The following NTN1 variants were observed in gnomAD, a reference collection of about 807,000 sequenced individuals.
NTN1 encodes netrin 1.
Under a neutral mutation model 54.2 loss-of-function variants are expected in NTN1, and 11 were observed. That is an observed-to-expected ratio of 0.20 (90% confidence interval 0.13 to 0.34). NTN1 has a LOEUF of 0.34. NTN1 is among the 10% of genes least tolerant of loss of function. The pLI, the probability that NTN1 is intolerant of heterozygous loss-of-function variation, is 1.00. For synonymous variants in NTN1, 371 were observed against 382.0 expected (o/e 0.97, Z 0.33); for missense variants, 740 against 893.1 (o/e 0.83, Z 2.18).
At chr17:9,105,216 G>T (rs1474284448) in intron 2 of NTN1, among the ~76,000 whole-genome samples, 1 of 152,210 alleles carries the variant, frequency 6.6e-6, no homozygotes, top group Non-Finnish European at 1.5e-5. Flanking sequence ...ACCTGGGCCG[G>T]ATTTCCAGGG....
At chr17:9,141,296 G>C (rs142080286) in intron 2 of NTN1, among the ~76,000 whole-genome samples, 76 of 152,098 alleles carry the variant, frequency 5.0e-4, no homozygotes, top group East Asian at 1.7e-3. Context: ...CTTTAATGAG[G>C]GGGGGGAGAA....
intron 3 of NTN1, chr17:9,171,178 G>A (rs1289893807): frequency 1.3e-5 from 2 of 152,198 alleles, no homozygotes; most frequent in Non-Finnish European, 2.9e-5. Flanking sequence ...AATGACGTTT[G>A]GGGATTATCT....
intron 2 of NTN1, among the ~76,000 whole-genome samples, chr17:9,054,708 G>C (rs547520356): frequency 3.0e-4 from 46 of 152,156 alleles, no homozygotes; most frequent in Non-Finnish European, 5.6e-4. Context: ...ATTACGCCAA[G>C]TGGCAGGGGA....
chr17:9,039,412 A>G (rs759548257), intron 2 of NTN1, among the ~76,000 whole-genome samples: 2 of 152,260 alleles, frequency 1.3e-5, no homozygotes, highest in Admixed American at 6.5e-5. Context: ...TAGGGCTTTT[A>G]GGATATCAGA....
chr17:9,152,517 G>A (rs889212867), intron 2 of NTN1, among the ~76,000 whole-genome samples: 2 of 152,124 alleles, frequency 1.3e-5, no homozygotes, highest in African/African-American at 2.4e-5. Flanking sequence ...CACCACCCCA[G>A]GGCCATGGCA....
intron 6 of NTN1, among the ~76,000 whole-genome samples, chr17:9,222,536 A>G (rs1905394537): frequency 6.6e-6 from 1 of 152,208 alleles, no homozygotes; most frequent in Non-Finnish European, 1.5e-5. Flanking sequence ...CGGGTGCCTA[A>G]CAGGCTCCCA....
intron 2 of NTN1, among the ~76,000 whole-genome samples, chr17:9,126,379 G>A (rs554510534): frequency 2.6e-5 from 4 of 152,258 alleles, no homozygotes; most frequent in South Asian, 2.1e-4. Flanking sequence ...GCGTGGTGGC[G>A]CATGCCTGTA....
intron 6 of NTN1, among the ~76,000 whole-genome samples, chr17:9,238,395 G>C (rs557148889): frequency 1.3e-4 from 20 of 152,296 alleles, no homozygotes; most frequent in African/African-American, 4.6e-4. Context: ...AGTGTGTGAG[G>C]GTGGGATCAG....
Position 9,021,950 on chromosome 17 carries a change from G to A in NTN1, c.-63-361G>A, listed in dbSNP as rs1481488468. Among the ~76,000 whole-genome samples the A allele has an allele frequency of 4.6e-5, 7 of 152,322 alleles. No individual in the cohort carries two copies. The East Asian group carries it at 1.4e-3, about 29-fold the overall frequency. On this transcript the variant is annotated intron_variant, in intron 1 of 6. Transcript: ENST00000173229. ...AGGGACCCCGGGCTGCGAGACGAAGGGGCGCGGGCCGTGCAGAGTCGGGGT... is the reference window on the plus strand; with the variant it reads ...AGGGACCCCGGGCTGCGAGACGAAGAGGCGCGGGCCGTGCAGAGTCGGGGT...
intron 4 of NTN1, among the ~76,000 whole-genome samples, chr17:9,181,322 G>A (rs1465256133): frequency 6.6e-6 from 1 of 152,188 alleles, no homozygotes; most frequent in African/African-American, 2.4e-5. Context: ...AGCTTGGGCA[G>A]CCATGGGCCC....
At chr17:9,067,198 C>T (rs1189414461) in intron 2 of NTN1, among the ~76,000 whole-genome samples, 11 of 143,466 alleles carry the variant, frequency 7.7e-5, no homozygotes, top group South Asian at 2.2e-4. Flanking sequence ...ACCCAGGAGG[C>T]GGAGGTTGCA....
chr17:9,216,838 C>T (rs1322188862), intron 5 of NTN1, among the ~76,000 whole-genome samples: 5 of 152,154 alleles, frequency 3.3e-5, no homozygotes, highest in Non-Finnish European at 7.3e-5. Context: ...GTCAGGAGTT[C>T]GAGACCAGCC....
At position 9,229,246 on chromosome 17, in the gene NTN1, C is replaced by T. The variant is rs960916903; in HGVS notation, c.1486+8004C>T. Among the ~76,000 whole-genome samples the T allele has an allele frequency of 2.6e-5, 4 of 152,046 alleles. 1 individual carries two copies. In the East Asian group the frequency reaches 7.7e-4, roughly 29 times the overall value. On this transcript the variant is annotated intron_variant, in intron 6 of 6. Transcript: ENST00000173229. Reference sequence around the variant, plus strand: ...ACCTGAGCAGAATTCTGATTTGCATCACCATACCGTCTGCGTGCCCCGGTA... The same window carrying T: ...ACCTGAGCAGAATTCTGATTTGCATTACCATACCGTCTGCGTGCCCCGGTA...
At chr17:9,060,847 G>C (rs565148448) in intron 2 of NTN1, among the ~76,000 whole-genome samples, 1 of 151,800 alleles carries the variant, frequency 6.6e-6, no homozygotes, top group East Asian at 1.9e-4. Flanking sequence ...ATGGTGGCGC[G>C]TGCCTGTAGT....
Position 9,221,146 on chromosome 17 carries a change from CT to C in NTN1, c.1412-21del, listed in dbSNP as rs3214279. On this transcript the variant is annotated intron_variant, in intron 5 of 6. Coordinates refer to ENST00000173229, the MANE Select transcript of NTN1 (RefSeq NM_004822.3). This position sits in a 1 kb window ranked among gnomAD's most constrained non-coding sequence, Gnocchi z 4.5. ...CCAGCCTAATTAGTTTTTGTCTGTG[CT>C]CCCCCCCCACCCCCCTGCAGACTGC... The C allele has an allele frequency of 0.045, 65,657 of 1,456,244 alleles. 2,895 individuals are homozygous for C. Among genetic ancestry groups the C allele is most frequent in the East Asian group, 0.2 (8,585 of 43,432 alleles). The allele number at this position is 1,456,244 out of a possible 1,614,324, so 90.2% of individuals were successfully genotyped here. A position where few individuals can be genotyped will look rare whatever the true frequency, so the allele number is the denominator to read the frequency against.
intron 2 of NTN1, among the ~76,000 whole-genome samples, chr17:9,051,532 T>C (rs2091960397): frequency 2.0e-5 from 3 of 152,242 alleles, no homozygotes; most frequent in Admixed American, 2.0e-4. Context: ...TCTTAATGGA[T>C]TATTTTTCCT....
At chr17:9,078,299 C>T (rs1173234822) in intron 2 of NTN1, among the ~76,000 whole-genome samples, 1 of 152,082 alleles carries the variant, frequency 6.6e-6, no homozygotes, top group African/African-American at 2.4e-5. Context: ...GGCAGCAGTT[C>T]CCTGGGTGGG....
rs971945083 is a variant in NTN1 at position 9,232,150 on chromosome 17, G to A, written c.1487-7490G>A. ...GGTGGGCCCAGCCCCTTAAAGGGTCGGGGGGACAAGTGTGGAATTCGGAGG... is the reference window on the plus strand; with the variant it reads ...GGTGGGCCCAGCCCCTTAAAGGGTCAGGGGGACAAGTGTGGAATTCGGAGG... On this transcript the variant is annotated intron_variant, in intron 6 of 6. Coordinates refer to ENST00000173229, the MANE Select transcript of NTN1 (RefSeq NM_004822.3). 4.8e-4 allele frequency among the ~76,000 whole-genome samples: 73 copies of A among 152,174 alleles called. 1 individual carries two copies. The highest frequency in any genetic ancestry group is 1.5e-3 in the African/African-American group (64 of 41,442).
chr17:9,108,465 G>A (rs1398900085), intron 2 of NTN1, among the ~76,000 whole-genome samples: 3 of 152,116 alleles, frequency 2.0e-5, no homozygotes, highest in African/African-American at 4.8e-5. Flanking sequence ...TCGACTTTCT[G>A]GCCTTTGGAT....
Sources: gnomAD v4.1 joint callset for allele counts (sites outside exome capture counted in the v4.1 genomes callset) on GRCh38, gnomAD v4.1.1 for gene constraint, Gnocchi (gnomAD v3.1) non-coding constraint, MANE v1.5 for transcripts, NCBI Gene and HGNC (gene_info 2026-07-23, HGNC 2026-07-21) for gene names.